TRIOBP: variants seen among roughly 807,000 people sequenced by gnomAD.
TRIOBP encodes the protein TRIO and F-actin binding protein.
In TRIOBP, 169 loss-of-function variants were observed where a neutral mutation model predicts 238.8. The observed-to-expected ratio is 0.71, with a 90% CI of 0.62 to 0.80. The LOEUF is 0.80. Ranked by LOEUF, TRIOBP falls within the 30% of genes least tolerant of loss-of-function variation. The probability of loss-of-function intolerance (pLI) is 0.00; values close to 1 mark genes in which losing one functional copy is unlikely to be tolerated. For missense variants in TRIOBP, 2,838 were observed against 3,122.6 expected, an observed-to-expected ratio of 0.91 and a Z score of 2.17; for synonymous variants, 1,150 against 1,274.4, an observed-to-expected ratio of 0.90 and a Z score of 2.08.
chr22:37,759,464 C>T, intron 17 of TRIOBP, 200 bp downstream of exon 17: 1 of 1,528,816 alleles, frequency 6.5e-7, no homozygotes, highest in Non-Finnish European at 9.1e-7. Context: ...GGCCACTGAG[C>T]TCTGAGAGGT....
At chr22:37,733,434 G>T in intron 8 of TRIOBP, 22 bp downstream of exon 8, 2 of 1,542,438 alleles carry the variant, frequency 1.3e-6, no homozygotes, top group Non-Finnish European at 1.8e-6. Context: ...CAGCTGTCTG[G>T]GGCCCCGCAC....
chr22:37,733,476 G>A (rs1601638451), intron 8 of TRIOBP, 64 bp downstream of exon 8: 17 of 1,287,926 alleles, frequency 1.3e-5, no homozygotes, highest in South Asian at 2.5e-5. Flanking sequence ...CTTCCCTCCC[G>A]CTAGAAGCCA....
At chr22:37,698,393 C>T (rs577110805) in intron 2 of TRIOBP, among the ~76,000 whole-genome samples, 3 of 109,422 alleles carry the variant, frequency 2.7e-5, no homozygotes, top group African/African-American at 6.9e-5. Context: ...CACACTGTTG[C>T]CCAGGCTGGA....
Position 37,759,184 on chromosome 22 carries a change from T to A in TRIOBP, c.6244T>A (p.Trp2082Arg), listed in dbSNP as rs1351958465. The part of the protein sequence containing the change: ...VQALRAQLEA[W>R]RLQGEAPQSA... ...GGCTCTTCGGGCCCAGCTGGAGGCG[T>A]GGCGTCTCCAAGGGGAGGCTCCTCA... is the stretch of plus-strand genomic sequence containing the variant. The change falls in exon 17 of 24, where the codon TGG (tryptophan) becomes AGG (arginine). Residue 2082 changes from tryptophan to arginine, a missense_variant. Physicochemically the swap from Trp to Arg is moderately radical, Grantham distance 101 (BLOSUM62 -3). Around this residue, in one of 5 missense-constraint regions of TRIOBP, gnomAD observed 2,096 missense variants for 2,137.4 expected, o/e 0.98. Coordinates refer to ENST00000644935, the MANE Select transcript of TRIOBP (RefSeq NM_001039141.3). 6.2e-7 allele frequency: 1 copy of A among 1,612,892 alleles called. No individual in the cohort carries two copies. The highest frequency in any genetic ancestry group is 1.1e-5 in the South Asian group (1 of 91,074).
At chr22:37,741,914 G>A (rs984284445) in intron 11 of TRIOBP, among the ~76,000 whole-genome samples, 25 of 152,166 alleles carry the variant, frequency 1.6e-4, no homozygotes, top group African/African-American at 4.1e-4. Context: ...TGGAGGTTGC[G>A]GGGCTGTTGT....
chr22:37,697,248 T>G (rs1183550364), intron 1 of TRIOBP, among the ~76,000 whole-genome samples, 159 bp downstream of exon 1: 2 of 152,062 alleles, frequency 1.3e-5, no homozygotes, highest in African/African-American at 2.4e-5. Flanking sequence ...AGGTTTTGAT[T>G]ATTATATCCA....
chr22:37,773,360 A>G (rs1457103340), intron 23 of TRIOBP, among the ~76,000 whole-genome samples: 1 of 152,090 alleles, frequency 6.6e-6, no homozygotes, highest in Non-Finnish European at 1.5e-5. Context: ...CTGGGACCAC[A>G]GGCCCTCACC....
At chr22:37,770,299 G>A (rs181349980) in intron 21 of TRIOBP, among the ~76,000 whole-genome samples, 27 of 149,472 alleles carry the variant, frequency 1.8e-4, no homozygotes, top group Admixed American at 3.3e-4. Context: ...TTACCCGGGC[G>A]TGGTGGCGGG....
intron 6 of TRIOBP, among the ~76,000 whole-genome samples, chr22:37,720,581 C>G (rs1923773151): frequency 6.6e-6 from 1 of 152,188 alleles, no homozygotes; most frequent in African/African-American, 2.4e-5. Flanking sequence ...CCAGAGTGCC[C>G]AGGCTTGGGG....
chr22:37,739,368 G>A (rs1272760907), intron 10 of TRIOBP, among the ~76,000 whole-genome samples: 7 of 152,278 alleles, frequency 4.6e-5, no homozygotes, highest in South Asian at 4.1e-4. Flanking sequence ...TGTGTTTTCC[G>A]GTCCTGCTCT....
chr22:37,740,190 G>T (rs1924868107), intron 10 of TRIOBP, among the ~76,000 whole-genome samples: 1 of 152,226 alleles, frequency 6.6e-6, no homozygotes, highest in African/African-American at 2.4e-5. Context: ...CAAAGAGTCT[G>T]CAGATTCCAG....
chr22:37,725,743 G>C lies in TRIOBP; in HGVS notation c.3187G>C (p.Val1063Leu), dbSNP rs536087914. 2 of 1,612,048 alleles carry C rather than the reference G, an allele frequency of 1.2e-6. No individual in the cohort carries two copies. The highest frequency in any genetic ancestry group is 2.2e-5 in the East Asian group (1 of 44,768). ...HHEPPYIPPA[V>L]CIGHRDAPRA... Reference sequence around the variant, plus strand: ...CGAGCCTCCCTATATACCACCTGCTGTGTGCATTGGACACCGAGATGCCCC... The same window carrying C: ...CGAGCCTCCCTATATACCACCTGCTCTGTGCATTGGACACCGAGATGCCCC... Residue 1063 changes from valine to leucine, a missense_variant, in exon 7 of 24, where the codon GTG becomes CTG. This residue lies in a region of TRIOBP where 2,096 missense variants were observed against 2,137.4 expected (regional missense o/e 0.98). Transcript: ENST00000644935.
chr22:37,700,236 G>C (rs929545405), intron 2 of TRIOBP, among the ~76,000 whole-genome samples: 5 of 150,838 alleles, frequency 3.3e-5, no homozygotes, highest in Non-Finnish European at 4.4e-5. Context: ...TTCTAACTGT[G>C]TGAATTGGGA....
In TRIOBP at chr22:37,769,319, C is replaced by G. The variant is rs745518889; in HGVS notation, c.6793C>G (p.Gln2265Glu). ...IDQLRGFIAS[Q>E]GMGNGCGRSN... ...CCAGCTGCGCGGCTTCATTGCCTCGCAGGGCATGGGCAATGGCTGCGGGCG... is the reference window on the plus strand; with the variant it reads ...CCAGCTGCGCGGCTTCATTGCCTCGGAGGGCATGGGCAATGGCTGCGGGCG... Residue 2265 changes from glutamine (Q) to glutamate (E), a missense_variant, in exon 21 of 24, where the codon CAG becomes GAG. Gln to Glu is a conservative substitution (Grantham distance 29). Transcript: ENST00000644935. The G allele has an allele frequency of 2.5e-6, 4 of 1,611,828 alleles. No homozygotes were observed. The highest frequency in any genetic ancestry group is 2.5e-6 in the Non-Finnish European group (3 of 1,179,514).
chr22:37,763,826 G>A (rs781030150), intron 17 of TRIOBP, among the ~76,000 whole-genome samples: 9 of 152,178 alleles, frequency 5.9e-5, no homozygotes, highest in Non-Finnish European at 1.2e-4. Flanking sequence ...TTCTGTAGGC[G>A]AGAAGTCTAA....
At chr22:37,748,579 T>A (rs201640897) in intron 11 of TRIOBP, among the ~76,000 whole-genome samples, 7 of 151,378 alleles carry the variant, frequency 4.6e-5, no homozygotes, top group Non-Finnish European at 1.0e-4. Flanking sequence ...CTGATAACTT[T>A]AAAAAAAAAT....
chr22:37,703,873 GAT>G (rs1423433062), intron 3 of TRIOBP, among the ~76,000 whole-genome samples: 1 of 152,144 alleles, frequency 6.6e-6, no homozygotes, highest in Non-Finnish European at 1.5e-5. Flanking sequence ...TCAGGGAACA[GAT>G]GCCTGGGAGT....
Position 37,775,691 on chromosome 22 carries a change from G to T in TRIOBP, c.*1911G>T, listed in dbSNP as rs1204775144. On this transcript the variant is annotated 3_prime_UTR_variant, in exon 24 of 24. Transcript: ENST00000644935. ...AATCCCAGCTACTCAGGAGGCTGAGGCAGGAGAATCACTTGAACCCAGGAG... is the reference window on the plus strand; with the variant it reads ...AATCCCAGCTACTCAGGAGGCTGAGTCAGGAGAATCACTTGAACCCAGGAG... 1 of 152,202 alleles carries T rather than the reference G, an allele frequency of 6.6e-6. No homozygotes were observed. The highest frequency in any genetic ancestry group is 1.5e-5 in the Non-Finnish European group (1 of 68,100). The allele number at this position is 152,202 out of a possible 1,614,324, so 9.4% of individuals were successfully genotyped here.
intron 17 of TRIOBP, chr22:37,759,722 C>A: frequency 6.8e-7 from 1 of 1,474,948 alleles, no homozygotes. Context: ...TCCAGTAGCC[C>A]TCAGAGAATG....
Sources: gnomAD v4.1 joint callset for allele counts (sites outside exome capture counted in the v4.1 genomes callset) on GRCh38, gnomAD v4.1.1 for gene constraint, gnomAD v4.1.1 regional missense constraint, MANE v1.5 for transcripts, NCBI Gene and HGNC (gene_info 2026-07-23, HGNC 2026-07-21) for gene names.